Variants in MTOR observed in about 807,000 individuals in gnomAD.
The protein encoded by MTOR is serine/threonine-protein kinase mTOR.
Under a neutral mutation model 319.8 loss-of-function variants are expected in MTOR, and 70 were observed. The observed-to-expected ratio is 0.22, with a 90% CI of 0.18 to 0.27. MTOR has a LOEUF of 0.27. Among genes scored for constraint, MTOR ranks in the 10% least tolerant of loss-of-function variants. The pLI is 1.00. For missense variants in MTOR, 1,890 were observed against 3,274.4 expected (o/e 0.58, Z 10.32); for synonymous variants, 1,183 against 1,211.4 (o/e 0.98, Z 0.49).
intron 8 of MTOR, among the ~76,000 whole-genome samples, chr1:11,245,849 G>A (rs1648738169): frequency 6.6e-6 from 1 of 152,150 alleles, no homozygotes; most frequent in Non-Finnish European, 1.5e-5. Context: ...GGTCATGGCT[G>A]CAGCGAGCTG....
At position 11,128,215 on chromosome 1, in the gene MTOR, G is replaced by A. The variant is rs765869571; in HGVS notation, c.5911-89C>T. On this transcript the variant is annotated intron_variant, in intron 42 of 57. Coordinates refer to ENST00000361445, the MANE Select transcript of MTOR (RefSeq NM_004958.4). The surrounding 1 kb of genome is among the most constrained non-coding windows in gnomAD (Gnocchi z 5.3). ...TTTTAAGGAGAATAACAAAACAAGT[G>A]GTGAGTGTGACATTAACATCTGCTT... 7.8e-6 allele frequency: 12 copies of A among 1,542,706 alleles called. No homozygotes were observed. Among genetic ancestry groups the A allele is most frequent in the Non-Finnish European group, 1.1e-5 (12 of 1,132,636 alleles).
In MTOR at chr1:11,109,312, G is replaced by A. The variant is rs1333636944; in HGVS notation, c.7506C>T (p.Asn2502=). The change falls in exon 56 of 58, where the codon AAC becomes AAT. Residue 2502 remains asparagine, a synonymous_variant. Transcript: ENST00000361445. This position sits in a 1 kb window ranked among gnomAD's most constrained non-coding sequence, Gnocchi z 4.0. ...CACCAGTGAGCTTATCTCGAACCCT[G>A]TTAATAATCTGGATAGCTTTCTTAT... The part of the protein sequence containing the change: ...ALNKKAIQII[N]RVRDKLTGRD... The A allele has an allele frequency of 6.2e-7, 1 of 1,614,124 alleles. No homozygotes were observed. Among genetic ancestry groups the A allele is most frequent in the Admixed American group, 1.7e-5 (1 of 60,006 alleles).
chr1:11,196,831 A>T (rs1447991250), intron 28 of MTOR, among the ~76,000 whole-genome samples: 1 of 151,164 alleles, frequency 6.6e-6, no homozygotes, highest in Non-Finnish European at 1.5e-5. Flanking sequence ...CAGCCTGGAG[A>T]CAGAGCGCGA....
chr1:11,234,173 G>A lies in MTOR; in HGVS notation c.2301C>T (p.Leu767=), dbSNP rs149428637. The change falls in exon 14 of 58, where the codon CTC becomes CTT. Residue 767 remains leucine (L), a synonymous_variant. Transcript: ENST00000361445. The part of the protein sequence containing the change: ...LGHLVSNAPR[L]IRPYMEPILK... ...GAATAGGCTCCATGTAGGGGCGGAT[G>A]AGTCGGGGGGCATTGGAGACCAGGT... 261 of 1,614,198 alleles carry A rather than the reference G, an allele frequency of 1.6e-4. 2 individuals carry two copies. The African/African-American group carries it at 2.8e-3, about 18-fold the overall frequency.
chr1:11,116,946 C>A, intron 50 of MTOR, 58 bp downstream of exon 50: 1 of 1,305,406 alleles, frequency 7.7e-7, no homozygotes, highest in Admixed American at 2.1e-5. Flanking sequence ...CAAATGAAAC[C>A]ATTCAGGAAA....
chr1:11,146,847 G>A (rs911395753), intron 31 of MTOR, 56 bp from the exon 32 acceptor site: 3 of 1,235,746 alleles, frequency 2.4e-6, no homozygotes, highest in East Asian at 2.3e-5. Context: ...TTGGGCTAAA[G>A]GCAGCATCTC....
chr1:11,255,403 A>AAG (rs1476687078), intron 5 of MTOR, among the ~76,000 whole-genome samples: 2 of 125,318 alleles, frequency 1.6e-5, no homozygotes, highest in Non-Finnish European at 3.7e-5. Context: ...AAAAAAAAAA[A>AAG]AAAAAAGAAA....
chr1:11,260,228 T>C (rs990413371), intron 1 of MTOR, among the ~76,000 whole-genome samples: 1 of 152,180 alleles, frequency 6.6e-6, no homozygotes, highest in African/African-American at 2.4e-5. Flanking sequence ...GAGAGATTAT[T>C]ATTCTACAGC....
At chr1:11,261,340 C>T (rs577789150) in intron 1 of MTOR, among the ~76,000 whole-genome samples, 171 of 151,254 alleles carry the variant, frequency 1.1e-3, no homozygotes, top group East Asian at 8.8e-3. Context: ...CGTATGGTGG[C>T]GGGCGCCTGT....
chr1:11,247,126 A>C lies in MTOR; in HGVS notation c.1225+499T>G, dbSNP rs557268863. On this transcript the variant is annotated intron_variant, in intron 8 of 57. Transcript: ENST00000361445. ...TTCCACAGCTGAGGGCTATGATGGA[A>C]GAAGGCAAGGACATTTACAGCTGGA... is the stretch of plus-strand genomic sequence containing the variant. Among the ~76,000 whole-genome samples, 49 of 152,306 alleles carry C rather than the reference A, an allele frequency of 3.2e-4. No individual in the cohort carries two copies. In the South Asian group the frequency reaches 8.1e-3, roughly 25 times the overall value.
In MTOR at chr1:11,159,006, G is replaced by A. The variant is rs185266424; in HGVS notation, c.4330-1715C>T. Among the ~76,000 whole-genome samples, 139 of 152,234 alleles carry A rather than the reference G, an allele frequency of 9.1e-4. 1 individual carries two copies. Among genetic ancestry groups the A allele is most frequent in the African/African-American group, 3.2e-3 (135 of 41,564 alleles). ...CTAAATATAACAGAAAATCCACCAC[G>A]GGTTTAGCAATAATCCTGGAGCTAA... On this transcript the variant is annotated intron_variant, in intron 29 of 57. Transcript: ENST00000361445.
chr1:11,114,713 G>A (rs958208165), intron 52 of MTOR, 100 bp downstream of exon 52: 4 of 1,261,384 alleles, frequency 3.2e-6, no homozygotes, highest in African/African-American at 3.0e-5. Context: ...AAATCACAAA[G>A]GCACTTTGGA....
At chr1:11,188,688 GA>G (rs1645402102) in intron 28 of MTOR, among the ~76,000 whole-genome samples, 1 of 152,178 alleles carries the variant, frequency 6.6e-6, no homozygotes, top group Non-Finnish European at 1.5e-5. Context: ...TTTGTTGAAG[GA>G]GAAAGCATGT....
In MTOR at chr1:11,230,942, T is replaced by A. The variant is rs763546723; in HGVS notation, c.2762A>T (p.Lys921Met). ...DASAVSLSES[K>M]SSQDSSDYST... Reference sequence around the variant, plus strand: ...CAACTTACAGGAATCCTGACTTGACTTGGATTCTGACAGGCTGACAGCAGA... The same window carrying A: ...CAACTTACAGGAATCCTGACTTGACATGGATTCTGACAGGCTGACAGCAGA... The change falls in exon 18 of 58, where the codon AAG (lysine) becomes ATG (methionine). Residue 921 changes from lysine to methionine, a missense_variant. By Grantham distance (95) the Lys-to-Met change is moderately conservative. Transcript: ENST00000361445. The A allele has an allele frequency of 2.5e-6, 4 of 1,613,894 alleles. No individual in the cohort carries two copies. The highest frequency in any genetic ancestry group is 3.4e-6 in the Non-Finnish European group (4 of 1,180,020).
intron 28 of MTOR, chr1:11,189,492 A>G (rs569700322): frequency 1.4e-5 from 20 of 1,451,284 alleles, no homozygotes; most frequent in Non-Finnish European, 1.8e-5. Flanking sequence ...CGTAAGGTTC[A>G]GTCAGCCTGC....
Position 11,228,589 on chromosome 1 carries a change from TAAG to T in MTOR, c.3030+76_3030+78del, listed in dbSNP as rs1646921846. The stretch of plus-strand genomic sequence containing the variant: ...CTCAGGGGCACAGAGAATGCACAAT[TAAG>T]AAGCTGAAGCACAGATGGATCTGTG... On this transcript the variant is annotated intron_variant, in intron 19 of 57. Transcript: ENST00000361445. 1.9e-6 allele frequency: 3 copies of T among 1,552,242 alleles called. No homozygotes were observed. The African/African-American group carries it at 4.1e-5, about 21-fold the overall frequency.
chr1:11,250,099 T>C (rs1234364365), intron 6 of MTOR, among the ~76,000 whole-genome samples: 629 of 111,390 alleles, frequency 5.6e-3, no homozygotes, highest in South Asian at 9.0e-3. Context: ...GCAGAGGGGC[T>C]CCTCACTTCC....
Position 11,243,099 on chromosome 1 carries a change from A to C in MTOR, c.1412+15T>G. 1 of 1,613,746 alleles carries C rather than the reference A, an allele frequency of 6.2e-7. No individual in the cohort carries two copies. Among genetic ancestry groups the C allele is most frequent in the Non-Finnish European group, 8.5e-7 (1 of 1,179,902 alleles). On this transcript the variant is annotated intron_variant, in intron 9 of 57. Transcript: ENST00000361445. ...CAAATGGAGTGGAAGGTGAAATCAT[A>C]ACAGAGGTGCTTACTTATGGGCGAA...
intron 8 of MTOR, among the ~76,000 whole-genome samples, chr1:11,245,802 T>C (rs942161957): frequency 2.0e-5 from 3 of 152,062 alleles, no homozygotes; most frequent in African/African-American, 7.2e-5. Context: ...CCTACCTACT[T>C]GGGAGGCTGA....
Sources: gnomAD v4.1 joint callset for allele counts (sites outside exome capture counted in the v4.1 genomes callset) on GRCh38, gnomAD v4.1.1 for gene constraint, Gnocchi (gnomAD v3.1) non-coding constraint, MANE v1.5 for transcripts, NCBI Gene and HGNC (gene_info 2026-07-23, HGNC 2026-07-21) for gene names.